Variants in PLPP1 observed in about 807,000 individuals in gnomAD.
PLPP1 encodes the protein phospholipid phosphatase 1.
Under a neutral mutation model 31.2 loss-of-function variants are expected in PLPP1, and 24 were observed. The ratio of observed to expected loss-of-function variants is 0.77; its 90% confidence interval spans 0.56 to 1.08. The LOEUF (loss-of-function observed/expected upper bound fraction) is 1.08, where lower values mean the gene tolerates loss of function less well. Ranked by LOEUF, PLPP1 falls within the 50% of genes least tolerant of loss-of-function variation. PLPP1 has a pLI of 0.00. For synonymous variants in PLPP1, 146 were observed against 126.3 expected, an observed-to-expected ratio of 1.16 and a Z score of -1.05; for missense variants, 319 against 342.7, an observed-to-expected ratio of 0.93 and a Z score of 0.55.
At chr5:55,476,517 C>T (rs978016637) in intron 1 of PLPP1, among the ~76,000 whole-genome samples, 3 of 152,136 alleles carry the variant, frequency 2.0e-5, no homozygotes, top group African/African-American at 7.2e-5. Flanking sequence ...CTGATTAATA[C>T]TACAGCATAC....
At chr5:55,438,630 G>C (rs1561223399) in intron 4 of PLPP1, among the ~76,000 whole-genome samples, 1 of 152,114 alleles carries the variant, frequency 6.6e-6, no homozygotes, top group Non-Finnish European at 1.5e-5. Flanking sequence ...GGCCAGGCGC[G>C]GTGGCTCACG....
At chr5:55,509,930 G>A (rs896732535) in intron 1 of PLPP1, among the ~76,000 whole-genome samples, 4 of 152,112 alleles carry the variant, frequency 2.6e-5, no homozygotes, top group African/African-American at 7.2e-5. Context: ...AGATGGCAAA[G>A]GTCACAATCA....
At chr5:55,499,784 C>T (rs1240288081) in intron 1 of PLPP1, among the ~76,000 whole-genome samples, 8 of 151,882 alleles carry the variant, frequency 5.3e-5, no homozygotes, top group East Asian at 1.9e-4. Context: ...TATAAGTCAC[C>T]GCAATGCTAA....
chr5:55,459,384 T>C (rs546659661), intron 3 of PLPP1, among the ~76,000 whole-genome samples: 1 of 152,082 alleles, frequency 6.6e-6, no homozygotes, highest in African/African-American at 2.4e-5. Context: ...ATAAAACATG[T>C]TGGTTAAAAA....
At chr5:55,486,478 T>G (rs1455738659) in intron 1 of PLPP1, among the ~76,000 whole-genome samples, 1 of 151,764 alleles carries the variant, frequency 6.6e-6, no homozygotes, top group African/African-American at 2.4e-5. Context: ...CCCAGCTACT[T>G]GGAAGGCTGA....
chr5:55,446,376 T>C (rs964333125), intron 3 of PLPP1, among the ~76,000 whole-genome samples: 7 of 152,224 alleles, frequency 4.6e-5, no homozygotes, highest in African/African-American at 1.7e-4. Context: ...TAAATTACCA[T>C]ATATGTATCA....
At position 55,534,716 on chromosome 5, in the gene PLPP1, GCT is replaced by G; in HGVS notation, c.-89_-88del. The G allele has an allele frequency of 7.3e-7, 1 of 1,364,760 alleles. No homozygotes were observed. The highest frequency in any genetic ancestry group is 9.9e-7 in the Non-Finnish European group (1 of 1,011,144). 84.5% of individuals were successfully genotyped at this position (1,364,760 alleles called of 1,614,324 possible). On this transcript the variant is annotated 5_prime_UTR_variant, in exon 1 of 6. Coordinates refer to ENST00000307259, the MANE Select transcript of PLPP1 (RefSeq NM_003711.4). ...CCTTGATTCTCGAGCCCGGGCCGGG[GCT>G]GGCGACGGCCCCGAGCTACGGCCCC... is the stretch of plus-strand genomic sequence containing the variant.
At chr5:55,448,521 C>A (rs542241010) in intron 3 of PLPP1, among the ~76,000 whole-genome samples, 1 of 148,644 alleles carries the variant, frequency 6.7e-6, no homozygotes, top group South Asian at 2.1e-4. Flanking sequence ...AATCTTGGCT[C>A]ACCACAACCT....
At position 55,475,341 on chromosome 5, in the gene PLPP1, A is replaced by G; in HGVS notation, c.168T>C (p.Tyr56=). 1.2e-6 allele frequency: 2 copies of G among 1,612,750 alleles called. No homozygotes were observed. Among genetic ancestry groups the G allele is most frequent in the Non-Finnish European group, 8.5e-7 (1 of 1,179,124 alleles). ...GAATGATTATTCCACCTAATAACGC[A>G]TAAGGTATGGTGTCTTCTTTGTAAG... ...KYPYKEDTIP[Y]ALLGGIIIPF... is the part of the protein sequence containing the mutation. The change falls in exon 2 of 6, where the codon TAT becomes TAC. Residue 56 remains tyrosine (Y), a synonymous_variant. Coordinates refer to ENST00000307259, the MANE Select transcript of PLPP1 (RefSeq NM_003711.4).
At chr5:55,444,741 T>TGTGTGTGTGTGTGTGTGTGTGTGTG (rs1554037408) in intron 3 of PLPP1, among the ~76,000 whole-genome samples, 3 of 6,956 alleles carry the variant, frequency 4.3e-4, no homozygotes, top group Admixed American at 2.2e-3. Context: ...TGGGATTCTA[T>TGTGTGTGTGTGTGTGTGTGTGTGTG]TTTGTGTGTG....
chr5:55,468,464 G>A (rs1463914657), intron 2 of PLPP1, among the ~76,000 whole-genome samples: 1 of 151,700 alleles, frequency 6.6e-6, no homozygotes, highest in African/African-American at 2.4e-5. Context: ...TTAAAAAGTA[G>A]ACAGTGATAT....
At chr5:55,426,481 A>G (rs1192096282) in intron 4 of PLPP1, among the ~76,000 whole-genome samples, 2 of 151,436 alleles carry the variant, frequency 1.3e-5, no homozygotes, top group Non-Finnish European at 2.9e-5. Flanking sequence ...TACTCACTGC[A>G]GCCTCAAACT....
chr5:55,468,577 G>A (rs1327613731), intron 2 of PLPP1, among the ~76,000 whole-genome samples: 1 of 152,044 alleles, frequency 6.6e-6, no homozygotes, highest in Non-Finnish European at 1.5e-5. Context: ...CGAGGGAGGT[G>A]GATCACCCAA....
At chr5:55,519,401 T>C (rs1479852792) in intron 1 of PLPP1, among the ~76,000 whole-genome samples, 2 of 152,206 alleles carry the variant, frequency 1.3e-5, no homozygotes, top group African/African-American at 4.8e-5. Context: ...ATAACTATGC[T>C]AGTGATACTT....
chr5:55,439,478 C>G (rs1249842546), intron 4 of PLPP1, among the ~76,000 whole-genome samples: 1 of 152,124 alleles, frequency 6.6e-6, no homozygotes, highest in African/African-American at 2.4e-5. Context: ...TGAGGGCTGC[C>G]CAATTTGAAA....
intron 1 of PLPP1, among the ~76,000 whole-genome samples, chr5:55,512,479 AAAAAGAAAGAAAG>A (rs1753440492): frequency 4.7e-5 from 2 of 42,220 alleles, no homozygotes; most frequent in African/African-American, 6.6e-5. Context: ...AAAAAAAAAA[AAAAAGAAAGAAAG>A]AAAGAAAAGA....
Position 55,477,566 on chromosome 5 carries a change from G to A in PLPP1, c.59-2116C>T, listed in dbSNP as rs375514736. ...CCACCACCACGCCCAGCTAATTTTT[G>A]TATTTTTAATAGAGAAGGGTTCTGC... On this transcript the variant is annotated intron_variant, in intron 1 of 5. Transcript: ENST00000307259. Among the ~76,000 whole-genome samples the A allele has an allele frequency of 1.3e-3, 202 of 151,582 alleles. 2 individuals carry two copies. The Middle Eastern group carries it at 0.024, about 18-fold the overall frequency.
intron 3 of PLPP1, among the ~76,000 whole-genome samples, chr5:55,458,579 A>G (rs1355871691): frequency 2.0e-5 from 3 of 152,134 alleles, no homozygotes; most frequent in Non-Finnish European, 4.4e-5. Context: ...AGTAACAAAG[A>G]GACGAAACAT....
At chr5:55,490,916 C>G in intron 1 of PLPP1, 2 of 1,563,334 alleles carry the variant, frequency 1.3e-6, no homozygotes, top group Non-Finnish European at 1.7e-6. Flanking sequence ...CATCCAACCT[C>G]CAGCACAACA....
Sources: allele counts gnomAD v4.1 joint callset (sites outside exome capture counted in the v4.1 genomes callset), GRCh38; gene constraint gnomAD v4.1.1; transcripts MANE v1.5; gene names NCBI Gene and HGNC (gene_info 2026-07-23, HGNC 2026-07-21).